DOK6: variants seen among roughly 807,000 people sequenced by gnomAD.
DOK6 encodes downstream of tyrosine kinase 6.
In DOK6, 22 loss-of-function variants were observed where a neutral mutation model predicts 44.0. The observed-to-expected ratio is 0.50, with a 90% confidence interval of 0.36 to 0.71. The LOEUF (loss-of-function observed/expected upper bound fraction) is 0.71. Ranked by LOEUF, DOK6 falls within the 30% of genes least tolerant of loss-of-function variation. The pLI is 0.00. For synonymous variants in DOK6, 166 were observed against 145.5 expected (o/e 1.14, Z -1.01); for missense variants, 340 against 416.4 (o/e 0.82, Z 1.60).
chr18:69,645,720 C>T (rs1985055546), intron 3 of DOK6, among the ~76,000 whole-genome samples: 1 of 152,060 alleles, frequency 6.6e-6, no homozygotes, highest in East Asian at 1.9e-4. Flanking sequence ...CAAAAAAAAC[C>T]TTGTACATAA....
chr18:69,719,267 T>C (rs1426143601), intron 5 of DOK6, among the ~76,000 whole-genome samples: 5 of 152,134 alleles, frequency 3.3e-5, no homozygotes, highest in Admixed American at 2.0e-4. Context: ...ATAAAAATCA[T>C]AGGAGTATTG....
intron 7 of DOK6, among the ~76,000 whole-genome samples, chr18:69,833,696 A>G (rs1981965239): frequency 6.6e-6 from 1 of 152,154 alleles, no homozygotes; most frequent in Non-Finnish European, 1.5e-5. Context: ...TATATAAATA[A>G]CTCAAACAAC....
chr18:69,572,520 G>T (rs1032101169), intron 2 of DOK6, among the ~76,000 whole-genome samples: 12 of 152,058 alleles, frequency 7.9e-5, no homozygotes, highest in Non-Finnish European at 8.8e-5. Context: ...TGCTAAAGTT[G>T]TTCCTTTGGT....
At chr18:69,605,797 A>G (rs568981171) in intron 3 of DOK6, among the ~76,000 whole-genome samples, 1 of 152,140 alleles carries the variant, frequency 6.6e-6, no homozygotes, top group Non-Finnish European at 1.5e-5. Context: ...TAAGATAAAA[A>G]CTGATGCTTT....
intron 6 of DOK6, among the ~76,000 whole-genome samples, chr18:69,752,038 G>GT (rs1401605621): frequency 6.7e-6 from 1 of 149,824 alleles, no homozygotes; most frequent in Non-Finnish European, 1.5e-5. Flanking sequence ...ACTTGAGAAG[G>GT]TAAAAAAAAT....
At chr18:69,620,037 T>C (rs1984403666) in intron 3 of DOK6, among the ~76,000 whole-genome samples, 1 of 152,110 alleles carries the variant, frequency 6.6e-6, no homozygotes, top group African/African-American at 2.4e-5. Flanking sequence ...AAACAAATAA[T>C]AATATTACAA....
At chr18:69,775,539 G>C (rs1251919632) in intron 7 of DOK6, among the ~76,000 whole-genome samples, 1 of 151,594 alleles carries the variant, frequency 6.6e-6, no homozygotes, top group Non-Finnish European at 1.5e-5. Context: ...ACTACTAAAA[G>C]ATTATAAATA....
At chr18:69,401,773 C>T (rs774764159) in intron 1 of DOK6, among the ~76,000 whole-genome samples, 1 of 152,140 alleles carries the variant, frequency 6.6e-6, no homozygotes, top group African/African-American at 2.4e-5. Context: ...GTCTGATGCC[C>T]TCCCAGCGCC....
chr18:69,403,106 C>T (rs778171527), intron 1 of DOK6, among the ~76,000 whole-genome samples: 10 of 152,106 alleles, frequency 6.6e-5, no homozygotes, highest in Admixed American at 2.6e-4. Flanking sequence ...TATCTGATGC[C>T]TCAGACTATA....
intron 1 of DOK6, among the ~76,000 whole-genome samples, chr18:69,513,947 TA>T (rs1981445544): frequency 6.6e-6 from 1 of 152,178 alleles, no homozygotes; most frequent in Non-Finnish European, 1.5e-5. Flanking sequence ...TCGTAAGGTT[TA>T]AAATACATAT....
intron 1 of DOK6, among the ~76,000 whole-genome samples, chr18:69,484,168 G>T (rs1456460205): frequency 1.3e-5 from 2 of 151,852 alleles, no homozygotes; most frequent in East Asian, 3.9e-4. Context: ...ATAATTAAAT[G>T]TTCAATAGGT....
In DOK6 at chr18:69,516,947, G is replaced by T. The variant is rs4487016; in HGVS notation, c.67-47540G>T. ...TCAACTTGCTTTGGCCTCACAAAGT[G>T]CTGGGATTACAGGCCTGAACCACCA... On this transcript the variant is annotated intron_variant, in intron 1 of 7. Transcript: ENST00000382713. Among the ~76,000 whole-genome samples, 1,148 of 151,802 alleles carry T rather than the reference G, an allele frequency of 7.6e-3. 15 individuals are homozygous for T. Among genetic ancestry groups the T allele is most frequent in the African/African-American group, 0.025 (1,026 of 41,380 alleles).
intron 2 of DOK6, among the ~76,000 whole-genome samples, chr18:69,591,083 T>A (rs905336520): frequency 1.3e-5 from 2 of 152,190 alleles, no homozygotes; most frequent in African/African-American, 4.8e-5. Flanking sequence ...GCAGTTATAT[T>A]TTTTACAATC....
chr18:69,515,481 A>G (rs989764564), intron 1 of DOK6, among the ~76,000 whole-genome samples: 3 of 152,184 alleles, frequency 2.0e-5, no homozygotes, highest in Non-Finnish European at 4.4e-5. Flanking sequence ...TGAGAGTGTC[A>G]TTGCCATAAA....
At chr18:69,830,749 G>A (rs2145132301) in intron 7 of DOK6, among the ~76,000 whole-genome samples, 1 of 152,246 alleles carries the variant, frequency 6.6e-6, no homozygotes, top group African/African-American at 2.4e-5. Flanking sequence ...TGTGAAAATT[G>A]ACATTACTTC....
chr18:69,567,066 T>G (rs1335612972), intron 2 of DOK6, among the ~76,000 whole-genome samples: 1 of 152,220 alleles, frequency 6.6e-6, no homozygotes, highest in African/African-American at 2.4e-5. Flanking sequence ...CACTGTGAGC[T>G]GTGAATTTCA....
intron 1 of DOK6, among the ~76,000 whole-genome samples, chr18:69,455,156 C>CAAAAAAAAAAAAAAAA (rs58451274): frequency 3.1e-4 from 36 of 117,430 alleles, no homozygotes; most frequent in Non-Finnish European, 5.0e-4. Context: ...ATAGCTATAG[C>CAAAAAAAAAAAAAAAA]AAAAAAAAAA....
rs1037640689 is a variant in DOK6, at chr18:69,847,860, CA to C, written c.*6481del. 1.3e-5 allele frequency: 2 copies of C among 151,842 alleles called. No individual in the cohort carries two copies. Among genetic ancestry groups the C allele is most frequent in the African/African-American group, 4.8e-5 (2 of 41,318 alleles). The allele number at this position is 151,842 out of a possible 1,614,324, so 9.4% of individuals were successfully genotyped here. On this transcript the variant is annotated 3_prime_UTR_variant, in exon 8 of 8. Coordinates refer to ENST00000382713, the MANE Select transcript of DOK6 (RefSeq NM_152721.6). ...AACAGAGTATGATTCTTTCCAGTTACAAAATACTGTATTACTTTAGTTATAG... is the reference window on the plus strand; with the variant it reads ...AACAGAGTATGATTCTTTCCAGTTACAAATACTGTATTACTTTAGTTATAG...
intron 3 of DOK6, among the ~76,000 whole-genome samples, chr18:69,645,855 T>C (rs1985058726): frequency 6.6e-6 from 1 of 152,196 alleles, no homozygotes; most frequent in Non-Finnish European, 1.5e-5. Context: ...CTTTTTTAAA[T>C]GTGTTTCTAT....
Sources: allele counts gnomAD v4.1 joint callset (sites outside exome capture counted in the v4.1 genomes callset), GRCh38; gene constraint gnomAD v4.1.1; transcripts MANE v1.5; gene names NCBI Gene and HGNC (gene_info 2026-07-23, HGNC 2026-07-21).